The following CDKAL1 variants were observed in gnomAD, a reference collection of about 807,000 sequenced individuals.
CDKAL1 encodes the protein CDKAL1 threonylcarbamoyladenosine tRNA methylthiotransferase, also known as threonylcarbamoyladenosine tRNA methylthiotransferase.
In CDKAL1, 32 loss-of-function variants were observed where a neutral mutation model predicts 68.2. The ratio of observed to expected loss-of-function variants is 0.47; its 90% confidence interval spans 0.35 to 0.63. The LOEUF (loss-of-function observed/expected upper bound fraction) is 0.63. CDKAL1 is among the 30% of genes least tolerant of loss of function. The pLI, the probability that CDKAL1 is intolerant of heterozygous loss-of-function variation, is 0.00. For missense variants in CDKAL1, 606 were observed against 696.7 expected (o/e 0.87, Z 1.47); for synonymous variants, 234 against 244.3 (o/e 0.96, Z 0.39).
intron 5 of CDKAL1, among the ~76,000 whole-genome samples, chr6:20,729,962 T>C (rs887823291): frequency 2.0e-5 from 3 of 152,184 alleles, no homozygotes; most frequent in Non-Finnish European, 4.4e-5. Context: ...AATCCCCATC[T>C]TTATGACATT....
intron 10 of CDKAL1, among the ~76,000 whole-genome samples, chr6:20,991,788 C>T (rs1009365818): frequency 4.8e-5 from 7 of 146,290 alleles, no homozygotes; most frequent in African/African-American, 1.8e-4. Flanking sequence ...AGCTGAGGTG[C>T]GTACATGGCT....
intron 4 of CDKAL1, among the ~76,000 whole-genome samples, chr6:20,587,254 T>A (rs1230939477): frequency 6.6e-6 from 1 of 152,136 alleles, no homozygotes; most frequent in African/African-American, 2.4e-5. Context: ...CCCAAAGTGC[T>A]GGGATTACAG....
At chr6:20,955,178 A>G (rs975105360) in intron 9 of CDKAL1, among the ~76,000 whole-genome samples, 3 of 152,188 alleles carry the variant, frequency 2.0e-5, no homozygotes, top group Non-Finnish European at 2.9e-5. Context: ...TTGGCTGTGA[A>G]TGTTAATCAC....
At chr6:20,619,953 ACT>A (rs1417580224) in intron 4 of CDKAL1, among the ~76,000 whole-genome samples, 1 of 152,204 alleles carries the variant, frequency 6.6e-6, no homozygotes, top group Non-Finnish European at 1.5e-5. Flanking sequence ...TGGAAAGCTA[ACT>A]CACACCTCTC....
At chr6:20,876,564 G>A (rs1309652701) in intron 9 of CDKAL1, among the ~76,000 whole-genome samples, 2 of 152,228 alleles carry the variant, frequency 1.3e-5, no homozygotes, top group South Asian at 2.1e-4. Context: ...TTTTCTTTGT[G>A]TACTTTTTTA....
intron 5 of CDKAL1, among the ~76,000 whole-genome samples, chr6:20,715,702 C>T (rs988782033): frequency 6.6e-6 from 1 of 152,142 alleles, no homozygotes; most frequent in African/African-American, 2.4e-5. Flanking sequence ...CTTTCCACCA[C>T]GCTTTCATCA....
At chr6:20,751,455 T>G (rs1773917371) in intron 6 of CDKAL1, among the ~76,000 whole-genome samples, 1 of 152,202 alleles carries the variant, frequency 6.6e-6, no homozygotes, top group Admixed American at 6.5e-5. Context: ...AATAACCACA[T>G]GTGGCTAGTG....
At chr6:20,976,925 A>C (rs1765872528) in intron 10 of CDKAL1, among the ~76,000 whole-genome samples, 1 of 152,220 alleles carries the variant, frequency 6.6e-6, no homozygotes, top group Admixed American at 6.5e-5. Flanking sequence ...GTTAATTTCC[A>C]GATTTCAACT....
intron 12 of CDKAL1, among the ~76,000 whole-genome samples, chr6:21,086,748 C>T (rs1053996653): frequency 2.6e-5 from 4 of 152,100 alleles, no homozygotes; most frequent in African/African-American, 9.7e-5. Flanking sequence ...GATTTAGGGC[C>T]CAAGCTCCTT....
chr6:20,827,444 A>G (rs1489259425), intron 8 of CDKAL1, among the ~76,000 whole-genome samples: 1 of 152,200 alleles, frequency 6.6e-6, no homozygotes, highest in Non-Finnish European at 1.5e-5. Context: ...TAACAATAGC[A>G]AAGAAACCTT....
intron 4 of CDKAL1, among the ~76,000 whole-genome samples, chr6:20,586,991 T>G (rs1581771564): frequency 2.1e-5 from 3 of 144,306 alleles, no homozygotes; most frequent in East Asian, 2.1e-4. Context: ...TTTTTTTTTT[T>G]TTTTTTTTTT....
At chr6:20,582,447 C>G (rs1430232140) in intron 4 of CDKAL1, among the ~76,000 whole-genome samples, 5 of 152,118 alleles carry the variant, frequency 3.3e-5, no homozygotes, top group Non-Finnish European at 5.9e-5. Context: ...TCAAATGTAA[C>G]TCTTCTCTCC....
At chr6:20,783,555 G>C (rs1397414135) in intron 8 of CDKAL1, among the ~76,000 whole-genome samples, 1 of 152,010 alleles carries the variant, frequency 6.6e-6, no homozygotes, top group African/African-American at 2.4e-5. Context: ...GGTTTTCCTG[G>C]CATGTCTGTC....
At chr6:21,211,476 G>A (rs1353655230) in intron 15 of CDKAL1, among the ~76,000 whole-genome samples, 1 of 152,162 alleles carries the variant, frequency 6.6e-6, no homozygotes, top group Non-Finnish European at 1.5e-5. Context: ...CATTTAGTTT[G>A]TAGTTTAGAG....
chr6:20,907,198 T>C (rs985450861), intron 9 of CDKAL1, among the ~76,000 whole-genome samples: 1 of 152,162 alleles, frequency 6.6e-6, no homozygotes, highest in African/African-American at 2.4e-5. Context: ...ATGTCTTAAC[T>C]GTATACTTAA....
chr6:20,840,533 A>G (rs1236888694), intron 8 of CDKAL1, among the ~76,000 whole-genome samples: 1 of 152,238 alleles, frequency 6.6e-6, no homozygotes, highest in Non-Finnish European at 1.5e-5. Flanking sequence ...GAAGATAGAG[A>G]CAGGAGAGAC....
intron 10 of CDKAL1, among the ~76,000 whole-genome samples, chr6:20,977,502 G>C (rs893865609): frequency 1.3e-5 from 2 of 152,184 alleles, no homozygotes; most frequent in African/African-American, 4.8e-5. Flanking sequence ...TTTGGAAGTA[G>C]AAGTGATGAG....
At chr6:21,100,225 C>T (rs993374148) in intron 12 of CDKAL1, among the ~76,000 whole-genome samples, 1 of 152,096 alleles carries the variant, frequency 6.6e-6, no homozygotes, top group Admixed American at 6.6e-5. Context: ...CTGATATCTA[C>T]TGTGATTTAA....
intron 6 of CDKAL1, among the ~76,000 whole-genome samples, chr6:20,740,153 G>A (rs1773384448): frequency 6.6e-6 from 1 of 152,214 alleles, no homozygotes; most frequent in South Asian, 2.1e-4. Flanking sequence ...AAGCCCACCT[G>A]TCTATTTAAA....
Sources: allele counts gnomAD v4.1 joint callset (sites outside exome capture counted in the v4.1 genomes callset), GRCh38; gene constraint gnomAD v4.1.1; transcripts MANE v1.5; gene names NCBI Gene and HGNC (gene_info 2026-07-23, HGNC 2026-07-21).